HSPA9: variants seen among roughly 807,000 people sequenced by gnomAD.
The protein encoded by HSPA9 is stress-70 protein, mitochondrial.
A neutral mutation model predicts 81.5 loss-of-function variants in HSPA9; 28 were observed. The ratio of observed to expected loss-of-function variants is 0.34; its 90% CI spans 0.25 to 0.47. HSPA9 has a LOEUF of 0.47. Ranked by LOEUF, HSPA9 falls within the 20% of genes least tolerant of loss-of-function variation. HSPA9 has a pLI of 1.00. For missense variants in HSPA9, 678 were observed against 838.0 expected (o/e 0.81, Z 2.36); for synonymous variants, 293 against 290.4 (o/e 1.01, Z -0.09).
intron 11 of HSPA9, among the ~76,000 whole-genome samples, chr5:138,559,375 T>C (rs185540656): frequency 6.6e-6 from 1 of 152,266 alleles, no homozygotes; most frequent in Non-Finnish European, 1.5e-5. Context: ...AGTGCTGGGA[T>C]TACAGGCATG....
rs10694029 is a variant in HSPA9, at chr5:138,571,960, C to CTTTTTTTTTTTTT, written c.229-832_229-820dup. ...TACAGGCTTGAGGCACTGCGCCTGG[C>CTTTTTTTTTTTTT]TTTTTTTTTTTTTTTTGAGACAGAG... On this transcript the variant is annotated intron_variant, in intron 3 of 16. Transcript: ENST00000297185. 1.6e-4 allele frequency among the ~76,000 whole-genome samples: 16 copies of CTTTTTTTTTTTTT among 100,446 alleles called. 3 individuals carry two copies. Among genetic ancestry groups the CTTTTTTTTTTTTT allele is most frequent in the African/African-American group, 5.1e-4 (12 of 23,676 alleles). 65.9% of individuals were successfully genotyped at this position (100,446 alleles called of 152,430 possible). A position where few individuals can be genotyped will look rare whatever the true frequency, so the allele number is the denominator to read the frequency against.
chr5:138,571,166 A>T, intron 3 of HSPA9, 25 bp from the exon 4 acceptor site: 3 of 1,611,034 alleles, frequency 1.9e-6, no homozygotes, highest in South Asian at 2.2e-5. Context: ...TGTGATAGAG[A>T]GTAAGTTTGT....
At chr5:138,564,049 G>A (rs749736187) in intron 9 of HSPA9, among the ~76,000 whole-genome samples, 2 of 152,074 alleles carry the variant, frequency 1.3e-5, no homozygotes, top group African/African-American at 4.8e-5. Context: ...TGCTATTCTT[G>A]TTATGCTGAA....
rs1031597405 is a variant in HSPA9, at chr5:138,556,004, G to A, written c.*33C>T. On this transcript the variant is annotated 3_prime_UTR_variant, in exon 17 of 17. Coordinates refer to ENST00000297185, the MANE Select transcript of HSPA9 (RefSeq NM_004134.7). ...GTCTCTTCACTCCTAAGCTTCATAT[G>A]TTGTCCTTCTGGCTTCAAAATTTCT... The A allele has an allele frequency of 1.4e-5, 21 of 1,499,450 alleles. No homozygotes were observed. Among genetic ancestry groups the A allele is most frequent in the Non-Finnish European group, 1.9e-5 (20 of 1,076,204 alleles). 92.9% of individuals were successfully genotyped at this position (1,499,450 alleles called of 1,614,324 possible).
chr5:138,557,457 A>G lies in HSPA9; in HGVS notation c.1673T>C (p.Ile558Thr), dbSNP rs1425895246. 5 of 1,610,678 alleles carry G rather than the reference A, an allele frequency of 3.1e-6. No individual in the cohort carries two copies. Among genetic ancestry groups the G allele is most frequent in the Non-Finnish European group, 4.2e-6 (5 of 1,177,508 alleles). Reference sequence around the variant, plus strand: ...CTCTGCATTTTTAACCATATTTTCAATATCATCTTTGCTTAATCCACCAGA... The same window carrying G: ...CTCTGCATTTTTAACCATATTTTCAGTATCATCTTTGCTTAATCCACCAGA... ...QSSGGLSKDD[I>T]ENMVKNAEKY... Residue 558 changes from isoleucine to threonine, a missense_variant, in exon 14 of 17, where the codon ATT becomes ACT. Around this residue, in one of 4 missense-constraint regions of HSPA9, gnomAD observed 484 missense variants for 647.5 expected, o/e 0.75. Transcript: ENST00000297185.
chr5:138,573,277 C>A (rs913931537), intron 3 of HSPA9, among the ~76,000 whole-genome samples: 2 of 152,154 alleles, frequency 1.3e-5, no homozygotes, highest in African/African-American at 2.4e-5. Flanking sequence ...AATCCACCCC[C>A]CTTGGCCTCC....
Position 138,558,808 on chromosome 5 carries a change from T to A in HSPA9, c.1411-151A>T, listed in dbSNP as rs1580741754. ...CAAAGGCTGATGTCTTTATAGGGAATAGAAGTAGGATTAGTACAGCAAATG... is the reference window on the plus strand; with the variant it reads ...CAAAGGCTGATGTCTTTATAGGGAAAAGAAGTAGGATTAGTACAGCAAATG... On this transcript the variant is annotated intron_variant, in intron 11 of 16. Coordinates refer to ENST00000297185, the MANE Select transcript of HSPA9 (RefSeq NM_004134.7). 4.5e-6 allele frequency: 3 copies of A among 671,198 alleles called. No homozygotes were observed. In the Admixed American group the frequency reaches 6.6e-5, roughly 15 times the overall value. The allele number at this position is 671,198 out of a possible 1,614,324, so 41.6% of individuals were successfully genotyped here.
At position 138,571,051 on chromosome 5, in the gene HSPA9, G is replaced by A; in HGVS notation, c.319C>T (p.Arg107Ter). The part of the protein sequence containing the change: ...GERLVGMPAK[R>*]QAVTNPNNTF... ...TTGTTTGGGTTGGTGACAGCCTGTC[G>A]CTTGGCCGGCATTCCAACAAGTCGC... The change falls in exon 4 of 17, where the codon CGA becomes TGA. Residue 107 changes from arginine to a stop codon, truncating the protein, a stop_gained. Transcript: ENST00000297185. LOFTEE classifies it high-confidence loss of function. The A allele has an allele frequency of 6.2e-7, 1 of 1,614,116 alleles. No individual in the cohort carries two copies. Among genetic ancestry groups the A allele is most frequent in the Non-Finnish European group, 8.5e-7 (1 of 1,180,010 alleles).
chr5:138,566,848 C>T, intron 8 of HSPA9, 130 bp from the exon 9 acceptor site: 1 of 1,126,872 alleles, frequency 8.9e-7, no homozygotes, highest in African/African-American at 1.5e-5. Flanking sequence ...TTTTTATTAC[C>T]CTTAATGTGT....
chr5:138,575,068 G>A, intron 1 of HSPA9, 170 bp downstream of exon 1: 1 of 619,402 alleles, frequency 1.6e-6, no homozygotes, highest in South Asian at 2.0e-5. Context: ...GCAAAACCTT[G>A]GGCAAAATCT....
At chr5:138,558,407 A>G (rs761881934) in intron 12 of HSPA9, 146 bp downstream of exon 12, 1 of 702,936 alleles carries the variant, frequency 1.4e-6, no homozygotes, top group African/African-American at 1.8e-5. Context: ...AACTGATGCC[A>G]TGGGTATCTA....
intron 9 of HSPA9, among the ~76,000 whole-genome samples, chr5:138,562,831 G>A (rs897916035): frequency 6.6e-6 from 1 of 152,292 alleles, no homozygotes. Flanking sequence ...GTAAGTTCCA[G>A]GACGTTTACA....
At chr5:138,559,128 CCT>C in intron 11 of HSPA9, 1 of 210,214 alleles carries the variant, frequency 4.8e-6, no homozygotes, top group Non-Finnish European at 9.6e-6. Flanking sequence ...TGAGACAAGA[CCT>C]CACTTCATAC....
intron 1 of HSPA9, among the ~76,000 whole-genome samples, 199 bp from the exon 2 acceptor site, chr5:138,574,325 G>A (rs1751032022): frequency 6.6e-6 from 1 of 152,172 alleles, no homozygotes; most frequent in Non-Finnish European, 1.5e-5. Context: ...TCTCAACCGT[G>A]GCGCTATTAA....
chr5:138,556,691 A>AT (rs1314404276), intron 15 of HSPA9, 83 bp downstream of exon 15: 3 of 1,553,014 alleles, frequency 1.9e-6, no homozygotes, highest in Non-Finnish European at 2.7e-6. Context: ...TTAAACCCCT[A>AT]TCAAAACCCA....
At chr5:138,572,809 C>CA (rs948000204) in intron 3 of HSPA9, among the ~76,000 whole-genome samples, 7 of 152,154 alleles carry the variant, frequency 4.6e-5, no homozygotes, top group Admixed American at 2.0e-4. Context: ...GCCAACCCCC[C>CA]AAAAAACTTA....
intron 5 of HSPA9, among the ~76,000 whole-genome samples, chr5:138,568,326 C>G (rs1413530226): frequency 6.6e-6 from 1 of 151,814 alleles, no homozygotes; most frequent in African/African-American, 2.4e-5. Context: ...TGAAGAAACC[C>G]CCATCTCTTT....
intron 16 of HSPA9, 148 bp from the exon 17 acceptor site, chr5:138,556,262 G>A: frequency 9.6e-7 from 1 of 1,044,314 alleles, no homozygotes; most frequent in South Asian, 1.3e-5. Context: ...CCTACTGGTG[G>A]TTTCTGGATT....
chr5:138,563,471 C>T (rs1168786671), intron 9 of HSPA9, among the ~76,000 whole-genome samples: 2 of 152,194 alleles, frequency 1.3e-5, no homozygotes, highest in Non-Finnish European at 2.9e-5. Flanking sequence ...CAAACCCAAT[C>T]ACTTGTGTCT....
Sources: allele counts gnomAD v4.1 joint callset (sites outside exome capture counted in the v4.1 genomes callset), GRCh38; gene constraint gnomAD v4.1.1; regional missense constraint gnomAD v4.1.1; transcripts MANE v1.5; gene names NCBI Gene and HGNC (gene_info 2026-07-23, HGNC 2026-07-21).